The following ZNF106 variants were observed in gnomAD, a reference collection of about 807,000 sequenced individuals.
ZNF106 encodes zinc finger protein 106.
Under a neutral mutation model 195.1 loss-of-function variants are expected in ZNF106, and 67 were observed. The ratio of observed to expected loss-of-function variants is 0.34; its 90% CI spans 0.28 to 0.42. The LOEUF (loss-of-function observed/expected upper bound fraction) is 0.42. ZNF106 is among the 10% of genes least tolerant of loss of function. ZNF106 has a pLI of 1.00. For synonymous variants in ZNF106, 784 were observed against 818.6 expected, an observed-to-expected ratio of 0.96 and a Z score of 0.72; for missense variants, 2,118 against 2,304.5, an observed-to-expected ratio of 0.92 and a Z score of 1.66.
At chr15:42,475,555 CT>C (rs1192160369) in intron 1 of ZNF106, among the ~76,000 whole-genome samples, 1 of 152,062 alleles carries the variant, frequency 6.6e-6, no homozygotes, top group East Asian at 1.9e-4. Flanking sequence ...AGAAATATAC[CT>C]TTGTGGATAG....
Position 42,451,916 on chromosome 15 carries a change from G to A in ZNF106, c.356C>T (p.Ser119Phe). 6.2e-7 allele frequency: 1 copy of A among 1,613,124 alleles called. No individual in the cohort carries two copies. The highest frequency in any genetic ancestry group is 8.5e-7 in the Non-Finnish European group (1 of 1,179,692). Residue 119 changes from serine to phenylalanine, a missense_variant, in exon 5 of 22, where the codon TCT (serine) becomes TTT (phenylalanine). Physicochemically the swap from Ser to Phe is radical, Grantham distance 155. Coordinates refer to ENST00000564754, the MANE Select transcript of ZNF106 (RefSeq NM_001366845.3). ...EPSNSNQEIN[S>F]DDRRPQWRRE... Reference sequence around the variant, plus strand: ...TCTCCATTGGGGTCGTCTGTCATCAGAGTTTATTTCTTGGTTGCTATTGGA... The same window carrying A: ...TCTCCATTGGGGTCGTCTGTCATCAAAGTTTATTTCTTGGTTGCTATTGGA...
chr15:42,452,533 A>T (rs2056073452), intron 4 of ZNF106, among the ~76,000 whole-genome samples: 1 of 152,062 alleles, frequency 6.6e-6, no homozygotes, highest in Admixed American at 6.6e-5. Context: ...AAAAACAAAC[A>T]AAAATTTGGC....
intron 5 of ZNF106, 35 bp downstream of exon 5, chr15:42,449,736 T>C (rs372873863): frequency 1.3e-6 from 2 of 1,565,510 alleles, no homozygotes; most frequent in African/African-American, 1.4e-5. Context: ...TAAAAGAAAG[T>C]GAGGAAAAAA....
At chr15:42,448,870 A>T (rs1206548242) in intron 5 of ZNF106, among the ~76,000 whole-genome samples, 165 bp from the exon 6 acceptor site, 1 of 152,182 alleles carries the variant, frequency 6.6e-6, no homozygotes, top group African/African-American at 2.4e-5. Flanking sequence ...ATATAAATAT[A>T]TTACGTTGTC....
At position 42,440,998 on chromosome 15, in the gene ZNF106, AATATATAT is replaced by A. The variant is rs56924955; in HGVS notation, c.3763+1067_3763+1074del. Among the ~76,000 whole-genome samples the A allele has an allele frequency of 8.4e-3, 196 of 23,434 alleles. 2 individuals are homozygous for A. Among genetic ancestry groups the A allele is most frequent in the Admixed American group, 0.016 (22 of 1,358 alleles). The allele number at this position is 23,434 out of a possible 152,430, so 15.4% of individuals were successfully genotyped here. A position where few individuals can be genotyped will look rare whatever the true frequency, so the allele number is the denominator to read the frequency against. On this transcript the variant is annotated intron_variant, in intron 10 of 21. Transcript: ENST00000564754. ...AAACTCTGTCTAAAAAAAAAAAAAA[AATATATAT>A]ATATATATATATATATATATATATA... is the stretch of plus-strand genomic sequence containing the variant.
At chr15:42,456,932 C>T in intron 4 of ZNF106, 26 bp downstream of exon 4, 1 of 1,596,562 alleles carries the variant, frequency 6.3e-7, no homozygotes. Flanking sequence ...TATAGATAGG[C>T]TTTTTTTAAA....
chr15:42,436,326 A>T (rs1288520671), intron 13 of ZNF106, among the ~76,000 whole-genome samples: 2 of 152,198 alleles, frequency 1.3e-5, no homozygotes, highest in Non-Finnish European at 2.9e-5. Context: ...TAGAATGTAC[A>T]TATATACATA....
intron 4 of ZNF106, 30 bp from the exon 5 acceptor site, chr15:42,451,984 T>C (rs1479015320): frequency 7.0e-6 from 11 of 1,578,130 alleles, no homozygotes; most frequent in Middle Eastern, 1.7e-4. Flanking sequence ...TCATTAGCGA[T>C]TTAAAGGAAT....
In ZNF106 at chr15:42,442,327, T is replaced by C. The variant is rs2055571966; in HGVS notation, c.3509A>G (p.Asp1170Gly). 2 of 1,614,170 alleles carry C rather than the reference T, an allele frequency of 1.2e-6. No homozygotes were observed. The highest frequency in any genetic ancestry group is 1.7e-6 in the Non-Finnish European group (2 of 1,180,024). The stretch of plus-strand genomic sequence containing the variant: ...AAAGGGAGTGGGCAGCAGTGCGGCA[T>C]CAATGGATGTTTGAGATCTACTGTT... ...RRNSRSQTSIDAALLPTPFFP... is the reference protein window; with the variant it reads ...RRNSRSQTSIGAALLPTPFFP... Residue 1170 changes from aspartate (D) to glycine (G), a missense_variant, in exon 10 of 22, where the codon GAT (aspartate) becomes GGT (glycine). Transcript: ENST00000564754.
In ZNF106 at chr15:42,428,023, T is replaced by C. The variant is rs139485859; in HGVS notation, c.4993A>G (p.Ile1665Val). The change falls in exon 15 of 22, where the codon ATA (isoleucine) becomes GTA (valine). Residue 1665 changes from isoleucine to valine, a missense_variant. Physicochemically the swap from Ile to Val is conservative, Grantham distance 29. Coordinates refer to ENST00000564754, the MANE Select transcript of ZNF106 (RefSeq NM_001366845.3). The stretch of plus-strand genomic sequence containing the variant: ...TTTCTCCTCCAACCACTAACCTTTA[T>C]GTTGAAGGTGACCACAGTGCCATTT... ...LANGTVVTFN[I>V]KNNKRLEIFE... is the part of the protein sequence containing the mutation. The C allele has an allele frequency of 9.3e-6, 15 of 1,613,114 alleles. No individual in the cohort carries two copies. The highest frequency in any genetic ancestry group is 1.7e-4 in the Middle Eastern group (1 of 6,052).
chr15:42,481,349 TTTTTGTTG>T (rs2056894988), intron 1 of ZNF106, among the ~76,000 whole-genome samples: 1 of 133,994 alleles, frequency 7.5e-6, no homozygotes, highest in African/African-American at 3.6e-5. Context: ...TCTGTTTTTT[TTTTTGTTG>T]TTTTTTTTTT....
chr15:42,467,275 A>C (rs2056542102), intron 2 of ZNF106, among the ~76,000 whole-genome samples: 1 of 152,222 alleles, frequency 6.6e-6, no homozygotes, highest in Middle Eastern at 3.2e-3. Flanking sequence ...TCACATATAT[A>C]ATAATAAAGG....
chr15:42,478,918 G>A (rs2056842501), intron 1 of ZNF106, among the ~76,000 whole-genome samples: 1 of 152,174 alleles, frequency 6.6e-6, no homozygotes, highest in Non-Finnish European at 1.5e-5. Context: ...CCTTGGCCAT[G>A]ACAGTTATCC....
rs1231624957 is a variant in ZNF106, at chr15:42,450,067, C to T, written c.2205G>A (p.Ser735=). The change falls in exon 5 of 22, where the codon TCG becomes TCA. Residue 735 remains serine, a synonymous_variant. Coordinates refer to ENST00000564754, the MANE Select transcript of ZNF106 (RefSeq NM_001366845.3). The part of the protein sequence containing the change: ...ELQKSDISQP[S]GPLLPELSKL... ...TACTTAGTTCAGGCAGGAGAGGGCC[C>T]GAGGGCTGACTGATGTCACTTTTTT... The T allele has an allele frequency of 2.5e-6, 4 of 1,614,146 alleles. No individual in the cohort carries two copies. Among genetic ancestry groups the T allele is most frequent in the South Asian group, 1.1e-5 (1 of 91,074 alleles).
chr15:42,446,456 AG>A (rs1338895073), intron 7 of ZNF106, 132 bp downstream of exon 7: 10 of 699,610 alleles, frequency 1.4e-5, no homozygotes, highest in Non-Finnish European at 2.6e-5. Context: ...ACATACCAGT[AG>A]TCCTAGCTGC....
Position 42,428,927 on chromosome 15 carries a change from C to A in ZNF106, c.4882-793G>T, listed in dbSNP as rs553639573. Among the ~76,000 whole-genome samples the A allele has an allele frequency of 5.9e-5, 9 of 151,738 alleles. No homozygotes were observed. The East Asian group carries it at 1.8e-3, about 30-fold the overall frequency. ...CACAGGCGCCCGCCACCACGCCCAG[C>A]TAATTTTTTGTATTTTTTTAGTAGA... On this transcript the variant is annotated intron_variant, in intron 14 of 21. Coordinates refer to ENST00000564754, the MANE Select transcript of ZNF106 (RefSeq NM_001366845.3).
chr15:42,449,019 C>CA (rs892724008), intron 5 of ZNF106, among the ~76,000 whole-genome samples: 170 of 132,602 alleles, frequency 1.3e-3, no homozygotes, highest in African/African-American at 2.2e-3. Flanking sequence ...CAAACCAAAA[C>CA]AAAAAAAAAA....
chr15:42,479,711 A>G (rs982990557), intron 1 of ZNF106, among the ~76,000 whole-genome samples: 6 of 151,608 alleles, frequency 4.0e-5, no homozygotes, highest in Non-Finnish European at 8.8e-5. Context: ...GTGTGGTGGC[A>G]GGAGCCTATA....
At position 42,450,621 on chromosome 15, in the gene ZNF106, C is replaced by T. The variant is rs1174467335; in HGVS notation, c.1651G>A (p.Gly551Ser). Reference sequence around the variant, plus strand: ...CGTAAAGTATCATTTAAATTATCACCAGATTGCTTTTGAGAGCCAAATGTA... The same window carrying T: ...CGTAAAGTATCATTTAAATTATCACTAGATTGCTTTTGAGAGCCAAATGTA... ...KSTFGSQKQS[G>S]DNLNDTLRKA... The change falls in exon 5 of 22, where the codon GGT (glycine) becomes AGT (serine). Residue 551 changes from glycine (G) to serine (S), a missense_variant. Physicochemically the swap from Gly to Ser is moderately conservative, Grantham distance 56. Coordinates refer to ENST00000564754, the MANE Select transcript of ZNF106 (RefSeq NM_001366845.3). The T allele has an allele frequency of 6.2e-7, 1 of 1,614,126 alleles. No individual in the cohort carries two copies. The highest frequency in any genetic ancestry group is 1.7e-5 in the Admixed American group (1 of 60,002).
Sources: gnomAD v4.1 joint callset for allele counts (sites outside exome capture counted in the v4.1 genomes callset) on GRCh38, gnomAD v4.1.1 for gene constraint, MANE v1.5 for transcripts, NCBI Gene and HGNC (gene_info 2026-07-23, HGNC 2026-07-21) for gene names.